MBNL2: variants seen among roughly 807,000 people sequenced by gnomAD.
MBNL2 encodes muscleblind like splicing regulator 2.
Under a neutral mutation model 41.9 loss-of-function variants are expected in MBNL2, and 17 were observed. The observed-to-expected ratio is 0.41, with a 90% CI of 0.28 to 0.61. MBNL2 has a LOEUF of 0.61. Ranked by LOEUF, MBNL2 falls within the 20% of genes least tolerant of loss-of-function variation. MBNL2 has a pLI of 0.35. For missense variants in MBNL2, 336 were observed against 505.6 expected (o/e 0.66, Z 3.22); for synonymous variants, 195 against 182.9 (o/e 1.07, Z -0.53).
chr13:97,382,257 T>C (rs573320141), intron 8 of MBNL2, among the ~76,000 whole-genome samples: 1 of 152,382 alleles, frequency 6.6e-6, no homozygotes, highest in South Asian at 2.1e-4. Flanking sequence ...GGTGGTTAGA[T>C]CTCTGGGCTG....
chr13:97,329,854 C>T (rs1257969948), intron 2 of MBNL2, among the ~76,000 whole-genome samples: 1 of 151,538 alleles, frequency 6.6e-6, no homozygotes, highest in Non-Finnish European at 1.5e-5. Flanking sequence ...CACACTTTGA[C>T]CACCACACAC....
At chr13:97,373,784 G>A (rs2064646543) in intron 8 of MBNL2, among the ~76,000 whole-genome samples, 1 of 151,992 alleles carries the variant, frequency 6.6e-6, no homozygotes, top group Non-Finnish European at 1.5e-5. Context: ...CTGCTTTGCA[G>A]GCCTACCCTG....
chr13:97,235,878 GAAAA>G (rs150566645), intron 1 of MBNL2, among the ~76,000 whole-genome samples: 7 of 141,130 alleles, frequency 5.0e-5, no homozygotes, highest in Admixed American at 1.4e-4. Context: ...GTTACAAACA[GAAAA>G]AAAAAAAAAT....
intron 1 of MBNL2, among the ~76,000 whole-genome samples, chr13:97,241,468 A>G (rs530356403): frequency 3.9e-5 from 6 of 152,350 alleles, no homozygotes; most frequent in Middle Eastern, 3.4e-3. Context: ...TTCAGCTTTC[A>G]GTTGAGAAAG....
At chr13:97,368,074 G>T (rs956109025) in intron 8 of MBNL2, among the ~76,000 whole-genome samples, 2 of 152,096 alleles carry the variant, frequency 1.3e-5, no homozygotes, top group Admixed American at 6.5e-5. Flanking sequence ...CTATGTTTAT[G>T]TGATTTTTGA....
At chr13:97,235,781 C>G (rs1382946212) in intron 1 of MBNL2, among the ~76,000 whole-genome samples, 1 of 152,016 alleles carries the variant, frequency 6.6e-6, no homozygotes, top group East Asian at 1.9e-4. Flanking sequence ...AGAGGGGCAT[C>G]GGCCTGGGAG....
At chr13:97,342,150 A>G in intron 3 of MBNL2, among the ~76,000 whole-genome samples, 1 of 152,244 alleles carries the variant, frequency 6.6e-6, no homozygotes, top group Non-Finnish European at 1.5e-5. Context: ...AATGTACATT[A>G]TTTACTTTCT....
At chr13:97,342,537 A>G (rs1298279456) in intron 3 of MBNL2, among the ~76,000 whole-genome samples, 1 of 152,220 alleles carries the variant, frequency 6.6e-6, no homozygotes, top group East Asian at 1.9e-4. Flanking sequence ...AGTCTGGACA[A>G]AATAAAATTC....
chr13:97,158,627 T>G, the MBNL2 span, among the ~76,000 whole-genome samples: 19 of 151,450 alleles, frequency 1.3e-4, no homozygotes, highest in Admixed American at 9.9e-4. Flanking sequence ...AAGAACATCT[T>G]TATTTCTGCC....
chr13:97,301,817 G>C (rs2057653907), intron 2 of MBNL2, among the ~76,000 whole-genome samples: 2 of 152,336 alleles, frequency 1.3e-5, no homozygotes, highest in South Asian at 4.1e-4. Flanking sequence ...CTGACCAAGA[G>C]TCCTACAACC....
intron 1 of MBNL2, among the ~76,000 whole-genome samples, chr13:97,261,034 T>G (rs1171007985): frequency 6.6e-6 from 1 of 152,054 alleles, no homozygotes; most frequent in Non-Finnish European, 1.5e-5. Flanking sequence ...ATCTATCAGT[T>G]GGCTCCCCAC....
At chr13:97,345,876 C>CA (rs201721069) in intron 4 of MBNL2, among the ~76,000 whole-genome samples, 29 of 147,570 alleles carry the variant, frequency 2.0e-4, no homozygotes, top group African/African-American at 5.3e-4. Context: ...TCCACACACA[C>CA]AAAAAAAAAC....
chr13:97,365,539 C>T lies in MBNL2; in HGVS notation c.1048+368C>T, dbSNP rs559508629. ...GTTTGAAAGTTTCATAGTGGTGTGC[C>T]TTTATCTCCTCTTTGCTGTGTGTTA... is the stretch of plus-strand genomic sequence containing the variant. On this transcript the variant is annotated intron_variant, in intron 8 of 8. Coordinates refer to ENST00000679496, the MANE Select transcript of MBNL2 (RefSeq NM_001382683.1). Among the ~76,000 whole-genome samples, 5 of 152,272 alleles carry T rather than the reference C, an allele frequency of 3.3e-5. No homozygotes were observed. The South Asian group carries it at 8.3e-4, about 25-fold the overall frequency.
At chr13:97,211,112 T>C in the MBNL2 span, among the ~76,000 whole-genome samples, 2 of 151,968 alleles carry the variant, frequency 1.3e-5, no homozygotes, top group East Asian at 1.9e-4. Flanking sequence ...TTCCAGGGAG[T>C]TAAAATCTTT....
chr13:97,177,628 C>T, the MBNL2 span, among the ~76,000 whole-genome samples: 1 of 152,104 alleles, frequency 6.6e-6, no homozygotes, highest in African/African-American at 2.4e-5. Context: ...AGAAGAAAAT[C>T]ATCAAACAAA....
the MBNL2 span, among the ~76,000 whole-genome samples, chr13:97,193,871 C>A: frequency 8.5e-5 from 13 of 152,304 alleles, no homozygotes; most frequent in African/African-American, 2.9e-4. Flanking sequence ...AGGGCAGACT[C>A]CTGATCACAC....
chr13:97,359,040 C>T (rs2063200334), intron 7 of MBNL2, among the ~76,000 whole-genome samples: 2 of 152,072 alleles, frequency 1.3e-5, no homozygotes, highest in Non-Finnish European at 2.9e-5. Context: ...AACTCACAGA[C>T]TTGTAGAAGA....
chr13:97,292,015 C>T (rs965116282), intron 2 of MBNL2, among the ~76,000 whole-genome samples: 131 of 151,200 alleles, frequency 8.7e-4, no homozygotes, highest in African/African-American at 2.9e-3. Context: ...ATCCTGGACA[C>T]GGTGAAACCC....
intron 2 of MBNL2, among the ~76,000 whole-genome samples, chr13:97,309,420 C>T (rs1203471353): frequency 6.6e-6 from 1 of 152,060 alleles, no homozygotes; most frequent in Non-Finnish European, 1.5e-5. Context: ...GACTGGTGTC[C>T]TTATTGCAAG....
Sources: allele counts gnomAD v4.1 joint callset (sites outside exome capture counted in the v4.1 genomes callset), GRCh38; gene constraint gnomAD v4.1.1; transcripts MANE v1.5; gene names NCBI Gene and HGNC (gene_info 2026-07-23, HGNC 2026-07-21).